IKZF2: variants seen among roughly 807,000 people sequenced by gnomAD.
IKZF2 encodes the protein IKAROS family zinc finger 2.
IKZF2 carries 15 observed loss-of-function variants against 49.2 expected under a neutral mutation model. The ratio of observed to expected loss-of-function variants is 0.30; its 90% confidence interval spans 0.20 to 0.47. The LOEUF is 0.47. IKZF2 is among the 20% of genes least tolerant of loss of function. The probability of loss-of-function intolerance (pLI) is 1.00; values close to 1 mark genes in which losing one functional copy is unlikely to be tolerated. For missense variants in IKZF2, 567 were observed against 664.6 expected, an observed-to-expected ratio of 0.85 and a Z score of 1.61; for synonymous variants, 227 against 221.4, an observed-to-expected ratio of 1.03 and a Z score of -0.23.
At chr2:213,129,690 G>A (rs2060408865) in intron 4 of IKZF2, among the ~76,000 whole-genome samples, 2 of 152,162 alleles carry the variant, frequency 1.3e-5, no homozygotes, top group Non-Finnish European at 2.9e-5. Context: ...GTCAGGCTCT[G>A]TCTATTGTGT....
At chr2:213,083,327 T>C (rs1299411475) in intron 4 of IKZF2, among the ~76,000 whole-genome samples, 2 of 151,238 alleles carry the variant, frequency 1.3e-5, no homozygotes, top group Non-Finnish European at 2.9e-5. Flanking sequence ...TACTACTGCT[T>C]GAGCTCCACC....
chr2:213,074,535 T>G (rs373145069), intron 4 of IKZF2, among the ~76,000 whole-genome samples: 4 of 152,354 alleles, frequency 2.6e-5, no homozygotes, highest in African/African-American at 9.6e-5. Flanking sequence ...TGCACATGAC[T>G]GTACATATTT....
intron 4 of IKZF2, among the ~76,000 whole-genome samples, chr2:213,124,016 C>T (rs1156653609): frequency 6.6e-6 from 1 of 151,868 alleles, no homozygotes; most frequent in Non-Finnish European, 1.5e-5. Flanking sequence ...AGAATTAGAG[C>T]TGATCAGCAA....
At chr2:213,119,388 G>A (rs1056877670) in intron 4 of IKZF2, among the ~76,000 whole-genome samples, 12 of 151,848 alleles carry the variant, frequency 7.9e-5, no homozygotes, top group African/African-American at 2.9e-4. Flanking sequence ...AGGTCAGCTC[G>A]ACAAAGAGCA....
At chr2:213,008,558 A>G (rs956129093) in intron 8 of IKZF2, among the ~76,000 whole-genome samples, 3 of 152,106 alleles carry the variant, frequency 2.0e-5, no homozygotes, top group African/African-American at 7.2e-5. Flanking sequence ...TGAAAAAAAT[A>G]TAAAAGCAAT....
At chr2:213,076,388 A>G (rs1353911267) in intron 4 of IKZF2, among the ~76,000 whole-genome samples, 1 of 152,236 alleles carries the variant, frequency 6.6e-6, no homozygotes, top group Non-Finnish European at 1.5e-5. Flanking sequence ...ACAGAGAACT[A>G]TTTAAACACA....
intron 4 of IKZF2, among the ~76,000 whole-genome samples, chr2:213,062,573 T>C (rs1701802310): frequency 6.6e-6 from 1 of 151,864 alleles, no homozygotes; most frequent in Non-Finnish European, 1.5e-5. Flanking sequence ...TAAAATACCA[T>C]TCTTACTTAC....
At chr2:213,078,150 G>T (rs994491457) in intron 4 of IKZF2, among the ~76,000 whole-genome samples, 5 of 152,176 alleles carry the variant, frequency 3.3e-5, no homozygotes, top group East Asian at 3.9e-4. Flanking sequence ...TGAATACAAA[G>T]ATTTATGTTT....
At chr2:213,038,353 C>T (rs1699253317) in intron 6 of IKZF2, among the ~76,000 whole-genome samples, 2 of 152,122 alleles carry the variant, frequency 1.3e-5, no homozygotes, top group Admixed American at 1.3e-4. Context: ...GCCACCGTGT[C>T]CAGCTGGTCT....
At chr2:213,106,468 G>A (rs573346125) in intron 4 of IKZF2, among the ~76,000 whole-genome samples, 9 of 151,746 alleles carry the variant, frequency 5.9e-5, no homozygotes, top group African/African-American at 1.9e-4. Flanking sequence ...GTGAGACCTC[G>A]GATCTAGAGA....
intron 4 of IKZF2, among the ~76,000 whole-genome samples, chr2:213,132,605 A>C (rs1384637258): frequency 4.6e-5 from 7 of 152,212 alleles, no homozygotes; most frequent in Non-Finnish European, 1.0e-4. Flanking sequence ...TATGGAAATT[A>C]ATAAAATTTC....
At chr2:213,013,727 TG>T (rs1696244291) in intron 8 of IKZF2, 63 bp downstream of exon 8, 2 of 1,423,210 alleles carry the variant, frequency 1.4e-6, no homozygotes, top group Non-Finnish European at 1.9e-6. Context: ...TTCTAATACA[TG>T]GGAACTTGCC....
intron 4 of IKZF2, among the ~76,000 whole-genome samples, chr2:213,095,894 A>G (rs1007427469): frequency 6.6e-6 from 1 of 152,066 alleles, no homozygotes; most frequent in African/African-American, 2.4e-5. Flanking sequence ...AATTATAGAT[A>G]TTTGAAATCA....
At chr2:213,054,813 GTA>G (rs1241776099) in intron 5 of IKZF2, among the ~76,000 whole-genome samples, 2 of 152,086 alleles carry the variant, frequency 1.3e-5, no homozygotes, top group Non-Finnish European at 2.9e-5. Flanking sequence ...GTGGAAATCT[GTA>G]TAACTGTTTA....
intron 7 of IKZF2, among the ~76,000 whole-genome samples, chr2:213,017,890 C>T (rs1213718059): frequency 6.6e-6 from 1 of 152,030 alleles, no homozygotes; most frequent in African/African-American, 2.4e-5. Context: ...GTCTCTAATA[C>T]CTTTTATGAT....
chr2:213,038,822 C>A (rs1053824308), intron 6 of IKZF2, among the ~76,000 whole-genome samples: 2 of 152,036 alleles, frequency 1.3e-5, no homozygotes, highest in African/African-American at 4.8e-5. Flanking sequence ...TTTAAAGAAA[C>A]GATGTGATTG....
At chr2:213,113,488 A>T (rs1443297899) in intron 4 of IKZF2, among the ~76,000 whole-genome samples, 2 of 152,182 alleles carry the variant, frequency 1.3e-5, no homozygotes, top group East Asian at 3.8e-4. Flanking sequence ...ACTATTACAT[A>T]AGCTTGCTGG....
Position 213,057,619 on chromosome 2 carries a change from C to T in IKZF2, c.140-520G>A, listed in dbSNP as rs1473575342. 2.0e-5 allele frequency among the ~76,000 whole-genome samples: 3 copies of T among 152,228 alleles called. No homozygotes were observed. The East Asian group carries it at 5.8e-4, about 29-fold the overall frequency. ...ATCTTAATCCAGCAAATGTCTTTGA[C>T]ATATGAAGATACACTGTCAAGGCAA... is the stretch of plus-strand genomic sequence containing the variant. On this transcript the variant is annotated intron_variant, in intron 4 of 8. Coordinates refer to ENST00000434687, the MANE Select transcript of IKZF2 (RefSeq NM_001387220.1).
At chr2:213,112,406 A>T (rs2059738206) in intron 4 of IKZF2, among the ~76,000 whole-genome samples, 1 of 147,466 alleles carries the variant, frequency 6.8e-6, no homozygotes, top group Non-Finnish European at 1.5e-5. Context: ...AATACATATT[A>T]ATGTTTATGA....
Sources: allele counts gnomAD v4.1 joint callset (sites outside exome capture counted in the v4.1 genomes callset), GRCh38; gene constraint gnomAD v4.1.1; transcripts MANE v1.5; gene names NCBI Gene and HGNC (gene_info 2026-07-23, HGNC 2026-07-21).